Variants in KCNT2 observed in about 807,000 individuals in gnomAD.
KCNT2 encodes the protein potassium sodium-activated channel subfamily T member 2.
KCNT2 carries 67 observed loss-of-function variants against 153.8 expected under a neutral mutation model. The observed-to-expected ratio is 0.44, with a 90% CI of 0.36 to 0.53. KCNT2 has a LOEUF of 0.53. Ranked by LOEUF, KCNT2 falls within the 20% of genes least tolerant of loss-of-function variation. The pLI, the probability that KCNT2 is intolerant of heterozygous loss-of-function variation, is 0.00. For missense variants in KCNT2, 975 were observed against 1,354.8 expected (o/e 0.72, Z 4.40); for synonymous variants, 500 against 458.8 (o/e 1.09, Z -1.15).
intron 22 of KCNT2, among the ~76,000 whole-genome samples, chr1:196,292,597 G>A (rs915977987): frequency 2.0e-5 from 3 of 152,238 alleles, no homozygotes; most frequent in Admixed American, 6.5e-5. Context: ...ACAAGGTCAG[G>A]AGATCGAGAC....
At chr1:196,285,832 T>C in intron 22 of KCNT2, 74 bp from the exon 23 acceptor site, 3 of 833,380 alleles carry the variant, frequency 3.6e-6, no homozygotes, top group Non-Finnish European at 2.1e-6. Context: ...GTAAATTGTG[T>C]TGACATACGT....
chr1:196,313,835 TCA>T (rs2148012056), intron 21 of KCNT2, among the ~76,000 whole-genome samples: 1 of 151,714 alleles, frequency 6.6e-6, no homozygotes, highest in East Asian at 1.9e-4. Flanking sequence ...TCAAAACTAT[TCA>T]GTCTAGATTA....
chr1:196,578,637 A>T (rs1661657159), intron 1 of KCNT2, among the ~76,000 whole-genome samples: 1 of 152,166 alleles, frequency 6.6e-6, no homozygotes, highest in South Asian at 2.1e-4. Flanking sequence ...GAATTCTTTT[A>T]CAATTAAGCC....
At chr1:196,300,596 T>C (rs1342033390) in intron 22 of KCNT2, among the ~76,000 whole-genome samples, 1 of 152,096 alleles carries the variant, frequency 6.6e-6, no homozygotes, top group African/African-American at 2.4e-5. Context: ...AAATAGGCCT[T>C]GCTAAGTCAC....
chr1:196,476,844 T>A (rs958043678), intron 5 of KCNT2, among the ~76,000 whole-genome samples: 9 of 152,296 alleles, frequency 5.9e-5, no homozygotes, highest in Admixed American at 5.2e-4. Flanking sequence ...AGTAAGCACC[T>A]GCCCCAGTCA....
chr1:196,403,799 A>C (rs1217851473), intron 12 of KCNT2, among the ~76,000 whole-genome samples: 1 of 151,742 alleles, frequency 6.6e-6, no homozygotes, highest in East Asian at 1.9e-4. Context: ...TAGAGTCACA[A>C]ACCTTGGGCT....
In KCNT2 at chr1:196,489,954, A is replaced by G. The variant is rs777967321; in HGVS notation, c.176-17T>C. 3 of 1,272,512 alleles carry G rather than the reference A, an allele frequency of 2.4e-6. No homozygotes were observed. The highest frequency in any genetic ancestry group is 5.1e-5 in the Admixed American group (2 of 38,968). 78.8% of individuals were successfully genotyped at this position (1,272,512 alleles called of 1,614,324 possible). A position where few individuals can be genotyped will look rare whatever the true frequency, so the allele number is the denominator to read the frequency against. On this transcript the variant is annotated splice_polypyrimidine_tract_variant and intron_variant, in intron 2 of 27. Transcript: ENST00000294725. ...TCCTTAGACCTTTAAACAAATGATA[A>G]AAGTTTGATTTTCATCTGAACTTAG...
intron 3 of KCNT2, among the ~76,000 whole-genome samples, chr1:196,487,441 T>G (rs1679520908): frequency 6.6e-6 from 1 of 150,824 alleles, no homozygotes; most frequent in African/African-American, 2.4e-5. Context: ...TGTGTATGTA[T>G]GTGTCTGTGT....
chr1:196,318,629 A>T (rs1262835427), intron 20 of KCNT2, among the ~76,000 whole-genome samples: 1 of 151,844 alleles, frequency 6.6e-6, no homozygotes, highest in Non-Finnish European at 1.5e-5. Flanking sequence ...AGTACATCTA[A>T]CTACAGTTTA....
At chr1:196,590,471 C>G (rs1308373044) in intron 1 of KCNT2, among the ~76,000 whole-genome samples, 1 of 152,100 alleles carries the variant, frequency 6.6e-6, no homozygotes, top group African/African-American at 2.4e-5. Flanking sequence ...GGACGGGTTT[C>G]AGGTGACAGC....
rs578238829 is a variant in KCNT2, at chr1:196,242,288, C to T, written c.3212-6218G>A. Among the ~76,000 whole-genome samples, 9 of 152,112 alleles carry T rather than the reference C, an allele frequency of 5.9e-5. No individual in the cohort carries two copies. The South Asian group carries it at 1.7e-3, about 28-fold the overall frequency. ...GTTTTATATGTGTTCAGGTGAAGTA[C>T]TTCAAAATTTAGTGATGAATCTAAT... On this transcript the variant is annotated intron_variant, in intron 26 of 27. Transcript: ENST00000294725.
At chr1:196,478,878 A>G (rs1036634460) in intron 5 of KCNT2, among the ~76,000 whole-genome samples, 1 of 152,224 alleles carries the variant, frequency 6.6e-6, no homozygotes, top group Non-Finnish European at 1.5e-5. Flanking sequence ...TATTTTGTGT[A>G]CAAATCAGAA....
chr1:196,508,189 CAAAAAAAAAA>C (rs10539910), intron 1 of KCNT2, among the ~76,000 whole-genome samples: 3 of 59,978 alleles, frequency 5.0e-5, no homozygotes, highest in African/African-American at 2.1e-4. Context: ...CCCTAAGTAG[CAAAAAAAAAA>C]AAAAAAAAAA....
chr1:196,490,408 A>T (rs1572625464), intron 2 of KCNT2, among the ~76,000 whole-genome samples: 1 of 148,986 alleles, frequency 6.7e-6, no homozygotes, highest in East Asian at 1.9e-4. Context: ...GTATAGTTCT[A>T]TGTTGTATAT....
At chr1:196,453,832 C>G (rs531383856) in intron 8 of KCNT2, among the ~76,000 whole-genome samples, 2 of 151,898 alleles carry the variant, frequency 1.3e-5, no homozygotes, top group Non-Finnish European at 2.9e-5. Context: ...TGCCCACCCC[C>G]AAATGTAATA....
chr1:196,293,036 A>C (rs1660344726), intron 22 of KCNT2, among the ~76,000 whole-genome samples: 1 of 152,036 alleles, frequency 6.6e-6, no homozygotes, highest in Non-Finnish European at 1.5e-5. Flanking sequence ...TAGCATAAAA[A>C]AAAAATACTT....
chr1:196,425,749 T>C, intron 11 of KCNT2, 103 bp downstream of exon 11: 1 of 1,172,142 alleles, frequency 8.5e-7, no homozygotes, highest in South Asian at 1.3e-5. Flanking sequence ...AAACATACTT[T>C]AACACATCTT....
chr1:196,510,837 A>G (rs1429112943), intron 1 of KCNT2, among the ~76,000 whole-genome samples: 1 of 152,182 alleles, frequency 6.6e-6, no homozygotes, highest in Non-Finnish European at 1.5e-5. Flanking sequence ...ATCAGTGTCC[A>G]CTTCTAGAGA....
chr1:196,349,146 G>C (rs931492123), intron 14 of KCNT2, among the ~76,000 whole-genome samples: 1 of 151,902 alleles, frequency 6.6e-6, no homozygotes, highest in Admixed American at 6.6e-5. Flanking sequence ...ATGTCTTAAT[G>C]GAAAAAAATT....
Sources: gnomAD v4.1 joint callset for allele counts (sites outside exome capture counted in the v4.1 genomes callset) on GRCh38, gnomAD v4.1.1 for gene constraint, MANE v1.5 for transcripts, NCBI Gene and HGNC (gene_info 2026-07-23, HGNC 2026-07-21) for gene names.